The following MSH3 variants were observed in gnomAD, a reference collection of about 807,000 sequenced individuals.
MSH3 encodes mutS homolog 3.
MSH3 carries 106 observed loss-of-function variants against 123.3 expected under a neutral mutation model. The ratio of observed to expected loss-of-function variants is 0.86; its 90% CI spans 0.73 to 1.01. The LOEUF (loss-of-function observed/expected upper bound fraction) is 1.01, where lower values mean the gene tolerates loss of function less well. MSH3 is among the 50% of genes least tolerant of loss of function. The pLI is 0.00. For synonymous variants in MSH3, 515 were observed against 481.4 expected (o/e 1.07, Z -0.91); for missense variants, 1,459 against 1,347.6 (o/e 1.08, Z -1.29).
intron 20 of MSH3, among the ~76,000 whole-genome samples, chr5:80,828,780 C>G (rs1415462468): frequency 5.9e-5 from 9 of 152,184 alleles, no homozygotes; most frequent in Non-Finnish European, 1.3e-4. Flanking sequence ...CCTTGAGGCT[C>G]CAGAGTAATC....
chr5:80,869,444 C>T (rs1186754317), intron 22 of MSH3, among the ~76,000 whole-genome samples: 3 of 152,070 alleles, frequency 2.0e-5, no homozygotes, highest in Non-Finnish European at 2.9e-5. Flanking sequence ...TATTCTCTCC[C>T]ATGTGGCTTT....
At chr5:80,838,202 G>A (rs1440980208) in intron 20 of MSH3, among the ~76,000 whole-genome samples, 1 of 152,204 alleles carries the variant, frequency 6.6e-6, no homozygotes, top group African/African-American at 2.4e-5. Flanking sequence ...GTGAACACCA[G>A]AAAGTGGAGA....
chr5:80,760,652 C>T (rs955932472), intron 12 of MSH3, among the ~76,000 whole-genome samples: 3 of 152,104 alleles, frequency 2.0e-5, no homozygotes, highest in Admixed American at 1.3e-4. Flanking sequence ...ACAAATTCTC[C>T]GTCTAAGTGG....
chr5:80,665,680 C>T (rs1242130714), intron 3 of MSH3, among the ~76,000 whole-genome samples: 1 of 152,182 alleles, frequency 6.6e-6, no homozygotes, highest in Non-Finnish European at 1.5e-5. Context: ...CAGTTTCTTA[C>T]AGTCTTCCTT....
At chr5:80,767,884 C>T (rs1451234790) in intron 13 of MSH3, 49 bp from the exon 14 acceptor site, 2 of 1,432,706 alleles carry the variant, frequency 1.4e-6, no homozygotes, top group South Asian at 2.3e-5. Flanking sequence ...AATTAAACTT[C>T]ATTTTCATGT....
intron 8 of MSH3, among the ~76,000 whole-genome samples, chr5:80,707,643 G>T (rs890819379): frequency 1.3e-5 from 2 of 152,178 alleles, no homozygotes; most frequent in Non-Finnish European, 2.9e-5. Flanking sequence ...GAGGTGAAAG[G>T]ATGGCTTGAG....
chr5:80,827,384 G>C (rs1426308697), intron 20 of MSH3, among the ~76,000 whole-genome samples: 1 of 152,166 alleles, frequency 6.6e-6, no homozygotes, highest in Non-Finnish European at 1.5e-5. Context: ...TCTTGAAAGA[G>C]AATTGGAAGA....
chr5:80,666,362 A>C (rs1414876500), intron 3 of MSH3, among the ~76,000 whole-genome samples: 1 of 152,202 alleles, frequency 6.6e-6, no homozygotes, highest in African/African-American at 2.4e-5. Flanking sequence ...CAAGCCAACA[A>C]AATTTTGCCT....
At position 80,761,696 on chromosome 5, in the gene MSH3, C is replaced by T. The variant is rs150904071; in HGVS notation, c.1896+18C>T. 835 of 1,613,810 alleles carry T rather than the reference C, an allele frequency of 5.2e-4. 6 individuals are homozygous for T. In the African/African-American group the frequency reaches 9.7e-3, roughly 19 times the overall value. On this transcript the variant is annotated intron_variant, in intron 13 of 23. Transcript: ENST00000265081. ...ACAAAAAAGTAAGTGTGATAGAAAT[C>T]TATTAAAGCTGACAGTGTTCTTCAG...
In MSH3 at chr5:80,672,304, A is replaced by C. The variant is rs1213230231; in HGVS notation, c.853A>C (p.Ile285Leu). The C allele has an allele frequency of 6.2e-7, 1 of 1,614,122 alleles. No homozygotes were observed. Among genetic ancestry groups the C allele is most frequent in the Admixed American group, 1.7e-5 (1 of 60,028 alleles). Reference sequence around the variant, plus strand: ...AGATCACAACTTTATGACAGCAAGTATACCTACTCACAGACTGTTTGTTCA... The same window carrying C: ...AGATCACAACTTTATGACAGCAAGTCTACCTACTCACAGACTGTTTGTTCA... ...HLDHNFMTAS[I>L]PTHRLFVHVR... The change falls in exon 5 of 24, where the codon ATA becomes CTA. Residue 285 changes from isoleucine (I) to leucine (L), a missense_variant. Physicochemically the swap from Ile to Leu is conservative, Grantham distance 5. Coordinates refer to ENST00000265081, the MANE Select transcript of MSH3 (RefSeq NM_002439.5).
chr5:80,738,221 A>G (rs942247287), intron 10 of MSH3, among the ~76,000 whole-genome samples: 1 of 152,080 alleles, frequency 6.6e-6, no homozygotes, highest in Non-Finnish European at 1.5e-5. Context: ...GAAGGCTGTA[A>G]GCCTTCTACC....
At chr5:80,758,794 CGTATCTTTCT>C in intron 12 of MSH3, among the ~76,000 whole-genome samples, 1 of 152,094 alleles carries the variant, frequency 6.6e-6, no homozygotes, top group African/African-American at 2.4e-5. Context: ...CTTTTTTGCT[CGTATCTTTCT>C]GTATCTCAGA....
At chr5:80,666,551 A>G (rs1749575564) in intron 3 of MSH3, among the ~76,000 whole-genome samples, 1 of 152,228 alleles carries the variant, frequency 6.6e-6, no homozygotes, top group African/African-American at 2.4e-5. Context: ...TAAGCATAGA[A>G]GTCATAAAGT....
intron 15 of MSH3, among the ~76,000 whole-genome samples, chr5:80,775,432 TA>T (rs1192024068): frequency 6.6e-5 from 10 of 152,142 alleles, no homozygotes; most frequent in Non-Finnish European, 1.2e-4. Flanking sequence ...GCCATCAGAG[TA>T]TACATATAAC....
At chr5:80,710,762 A>G (rs1049312000) in intron 8 of MSH3, among the ~76,000 whole-genome samples, 1 of 152,188 alleles carries the variant, frequency 6.6e-6, no homozygotes, top group African/African-American at 2.4e-5. Context: ...GTTTTAAAAT[A>G]TTATTACTAA....
intron 22 of MSH3, among the ~76,000 whole-genome samples, chr5:80,865,858 C>G (rs1274202031): frequency 6.6e-6 from 1 of 152,146 alleles, no homozygotes; most frequent in African/African-American, 2.4e-5. Flanking sequence ...AGCACTGGGC[C>G]TAAGATAAAT....
intron 5 of MSH3, 146 bp from the exon 6 acceptor site, chr5:80,672,595 C>G: frequency 1.3e-6 from 1 of 759,468 alleles, no homozygotes; most frequent in South Asian, 1.5e-5. Flanking sequence ...AATTATCCAC[C>G]CTTGTCAACT....
Position 80,725,466 on chromosome 5 carries a change from A to C in MSH3, c.1354A>C (p.Arg452=), listed in dbSNP as rs760735926. The C allele has an allele frequency of 3.7e-6, 6 of 1,613,666 alleles. No homozygotes were observed. The highest frequency in any genetic ancestry group is 5.1e-6 in the Non-Finnish European group (6 of 1,179,646). ...RATSVSVQDD[R]IRVERMDNIY... ...TTTTTCTTTCAGTGTGCAGGATGAC[A>C]GAATTCGAGTCGAAAGGATGGATAA... The change falls in exon 9 of 24, where the codon AGA becomes CGA. Residue 452 remains arginine (R), a synonymous_variant. Coordinates refer to ENST00000265081, the MANE Select transcript of MSH3 (RefSeq NM_002439.5).
At chr5:80,760,762 G>A (rs1744018474) in intron 12 of MSH3, among the ~76,000 whole-genome samples, 1 of 152,224 alleles carries the variant, frequency 6.6e-6, no homozygotes, top group Non-Finnish European at 1.5e-5. Flanking sequence ...TCAGGCTGAT[G>A]GAGTTACCAT....
Sources: allele counts gnomAD v4.1 joint callset (sites outside exome capture counted in the v4.1 genomes callset), GRCh38; gene constraint gnomAD v4.1.1; transcripts MANE v1.5; gene names NCBI Gene and HGNC (gene_info 2026-07-23, HGNC 2026-07-21).